Variants in ZMYM2 observed in about 807,000 individuals in gnomAD.
The protein encoded by ZMYM2 is zinc finger MYM-type containing 2, also known as zinc finger MYM-type protein 2.
In ZMYM2, 56 loss-of-function variants were observed where a neutral mutation model predicts 162.8. The observed-to-expected ratio is 0.34, with a 90% confidence interval of 0.28 to 0.43. The LOEUF (loss-of-function observed/expected upper bound fraction) is 0.43, where lower values mean the gene tolerates loss of function less well. Among genes scored for constraint, ZMYM2 ranks in the 20% least tolerant of loss-of-function variants. ZMYM2 has a pLI of 1.00. For missense variants in ZMYM2, 1,275 were observed against 1,621.8 expected (o/e 0.79, Z 3.67); for synonymous variants, 510 against 541.6 (o/e 0.94, Z 0.81).
chr13:19,919,241 A>C, the ZMYM2 span, among the ~76,000 whole-genome samples: 1 of 151,838 alleles, frequency 6.6e-6, no homozygotes, highest in Admixed American at 6.6e-5. Context: ...GCACCAGTTT[A>C]ACCCTATTGA....
At chr13:19,918,035 C>T in the ZMYM2 span, among the ~76,000 whole-genome samples, 7 of 151,874 alleles carry the variant, frequency 4.6e-5, no homozygotes, top group African/African-American at 9.7e-5. Flanking sequence ...CCAGCCTGGG[C>T]GTCAGAGGGA....
chr13:19,872,425 C>T, the ZMYM2 span, among the ~76,000 whole-genome samples: 1 of 151,976 alleles, frequency 6.6e-6, no homozygotes, highest in Non-Finnish European at 1.5e-5. Context: ...TGGTGGGTGC[C>T]TGTAATCCTA....
chr13:20,012,289 C>T (rs1013060813), intron 6 of ZMYM2, among the ~76,000 whole-genome samples: 32 of 152,270 alleles, frequency 2.1e-4, no homozygotes, highest in African/African-American at 6.5e-4. Flanking sequence ...GATTCTTCTG[C>T]GTCAGCCTCC....
At chr13:19,901,172 C>A in the ZMYM2 span, among the ~76,000 whole-genome samples, 1 of 152,124 alleles carries the variant, frequency 6.6e-6, no homozygotes, top group African/African-American at 2.4e-5. Context: ...AAAGTTCCCA[C>A]TTCAAATACC....
chr13:19,947,242 A>G, the ZMYM2 span, among the ~76,000 whole-genome samples: 1 of 151,124 alleles, frequency 6.6e-6, no homozygotes, highest in African/African-American at 2.4e-5. Flanking sequence ...TTGTATTTTT[A>G]GTAAAGACGG....
At chr13:19,895,593 AT>A in the ZMYM2 span, among the ~76,000 whole-genome samples, 1 of 151,742 alleles carries the variant, frequency 6.6e-6, no homozygotes, top group Non-Finnish European at 1.5e-5. Context: ...TTCCCTTCCC[AT>A]GATAACCCGT....
chr13:20,084,815 G>C (rs935874358), intron 24 of ZMYM2, among the ~76,000 whole-genome samples: 1 of 152,146 alleles, frequency 6.6e-6, no homozygotes, highest in African/African-American at 2.4e-5. Context: ...GTACTTCCCT[G>C]TTTAAACAAA....
chr13:19,890,725 A>G, the ZMYM2 span, among the ~76,000 whole-genome samples: 2 of 151,706 alleles, frequency 1.3e-5, no homozygotes, highest in African/African-American at 4.9e-5. Context: ...AAAAAAAATT[A>G]GCCAGGCATG....
intron 21 of ZMYM2, among the ~76,000 whole-genome samples, chr13:20,074,260 C>T (rs930772326): frequency 4.0e-5 from 6 of 150,764 alleles, no homozygotes; most frequent in Admixed American, 2.0e-4. Flanking sequence ...GAGACAGGGT[C>T]TCACTCTGGC....
chr13:20,032,749 C>T (rs1566351448), intron 10 of ZMYM2, among the ~76,000 whole-genome samples: 1 of 151,754 alleles, frequency 6.6e-6, no homozygotes, highest in Admixed American at 6.6e-5. Context: ...GCTGGGATTA[C>T]AGATGCCTGC....
Position 20,086,563 on chromosome 13 carries a change from T to C in ZMYM2, c.*549T>C, listed in dbSNP as rs1958279590. On this transcript the variant is annotated 3_prime_UTR_variant, in exon 25 of 25. Transcript: ENST00000610343. ...TAGTTACTGAAGCCTTACAAGGTTA[T>C]GTAGAGAGATACCATCTTCTGTACC... 9.7e-6 allele frequency: 2 copies of C among 207,172 alleles called. No individual in the cohort carries two copies. Among genetic ancestry groups the C allele is most frequent in the East Asian group, 7.2e-5 (1 of 13,798 alleles). The allele number at this position is 207,172 out of a possible 1,614,324, so 12.8% of individuals were successfully genotyped here. A position where few individuals can be genotyped will look rare whatever the true frequency, so the allele number is the denominator to read the frequency against.
chr13:19,887,299 C>T, the ZMYM2 span, among the ~76,000 whole-genome samples: 2 of 151,664 alleles, frequency 1.3e-5, no homozygotes, highest in African/African-American at 2.4e-5. Context: ...GAGGCGGAGG[C>T]GGGTGGATCA....
intron 2 of ZMYM2, among the ~76,000 whole-genome samples, chr13:19,962,295 G>C (rs962897427): frequency 1.3e-5 from 2 of 151,808 alleles, no homozygotes; most frequent in African/African-American, 2.4e-5. Context: ...CCTTCAGTCA[G>C]ATGCTCTGGT....
chr13:19,934,993 C>G, the ZMYM2 span, among the ~76,000 whole-genome samples: 12 of 152,008 alleles, frequency 7.9e-5, no homozygotes, highest in Middle Eastern at 3.2e-3. Flanking sequence ...TCTCGAACTC[C>G]TGATCTCAAG....
chr13:19,910,534 C>CTTT, the ZMYM2 span, among the ~76,000 whole-genome samples: 2 of 147,708 alleles, frequency 1.4e-5, no homozygotes, highest in African/African-American at 2.5e-5. Flanking sequence ...CTCTCTCTCT[C>CTTT]TTTTTTTTTT....
chr13:20,036,952 A>T (rs1236872313), intron 12 of ZMYM2, 43 bp downstream of exon 12: 2 of 1,526,346 alleles, frequency 1.3e-6, no homozygotes, highest in African/African-American at 1.4e-5. Context: ...AACCAGTCTT[A>T]AAAAACGTTG....
At chr13:19,963,744 T>G (rs940877359) in intron 2 of ZMYM2, among the ~76,000 whole-genome samples, 4 of 152,148 alleles carry the variant, frequency 2.6e-5, no homozygotes, top group Non-Finnish European at 1.5e-5. Context: ...ATTTAAGATA[T>G]ATTAATTTTT....
At chr13:19,960,074 T>TTAAGC (rs1955026172) in intron 2 of ZMYM2, 48 bp downstream of exon 2, 1 of 152,164 alleles carries the variant, frequency 6.6e-6, no homozygotes, top group Non-Finnish European at 1.5e-5. Context: ...CATTGTCAGG[T>TTAAGC]TGTAGGGGTT....
At chr13:19,986,900 C>T (rs545478480) in intron 2 of ZMYM2, among the ~76,000 whole-genome samples, 9 of 151,684 alleles carry the variant, frequency 5.9e-5, no homozygotes, top group African/African-American at 1.9e-4. Context: ...GTCAGGAGTT[C>T]GAGACCAGTC....
Sources: allele counts gnomAD v4.1 joint callset (sites outside exome capture counted in the v4.1 genomes callset), GRCh38; gene constraint gnomAD v4.1.1; transcripts MANE v1.5; gene names NCBI Gene and HGNC (gene_info 2026-07-23, HGNC 2026-07-21).